CEP295: variants seen among roughly 807,000 people sequenced by gnomAD.
CEP295 encodes centrosomal protein 295.
In CEP295, 190 loss-of-function variants were observed where a neutral mutation model predicts 291.6. The ratio of observed to expected loss-of-function variants is 0.65; its 90% CI spans 0.58 to 0.73. The LOEUF is 0.73. Among genes scored for constraint, CEP295 ranks in the 30% least tolerant of loss-of-function variants. The probability of loss-of-function intolerance (pLI) is 0.00; values close to 1 mark genes in which losing one functional copy is unlikely to be tolerated. For missense variants in CEP295, 2,863 were observed against 2,949.4 expected, an observed-to-expected ratio of 0.97 and a Z score of 0.68; for synonymous variants, 993 against 1,038.8, an observed-to-expected ratio of 0.96 and a Z score of 0.85.
At chr11:93,666,269 C>A (rs1357735530) in intron 1 of CEP295, among the ~76,000 whole-genome samples, 2 of 152,120 alleles carry the variant, frequency 1.3e-5, no homozygotes, top group Non-Finnish European at 2.9e-5. Context: ...GTATATAACC[C>A]TTTAAATATC....
At chr11:93,728,584 T>C in intron 24 of CEP295, 97 bp from the exon 25 acceptor site, 1 of 1,077,248 alleles carries the variant, frequency 9.3e-7, no homozygotes, top group Non-Finnish European at 1.3e-6. Context: ...TTCACATTTA[T>C]ATACACTTGC....
At position 93,666,781 on chromosome 11, in the gene CEP295, AT is replaced by A; in HGVS notation, c.76del (p.Tyr26MetfsTer7). 6.5e-7 allele frequency: 1 copy of A among 1,548,268 alleles called. No homozygotes were observed. Among genetic ancestry groups the A allele is most frequent in the South Asian group, 1.2e-5 (1 of 83,928 alleles). On this transcript the variant is annotated frameshift_variant, in exon 2 of 30. Coordinates refer to ENST00000325212, the MANE Select transcript of CEP295 (RefSeq NM_033395.2). LOFTEE classifies it high-confidence loss of function. ...GAGGAAGCCTTCATTTTGAAGGAAG[AT>A]TATGAAAGAAGGCGAAAACTAAGAT... ...PNEEAFILKE[D>X]YERRRKLRLL...
chr11:93,669,065 A>T, intron 4 of CEP295, 133 bp downstream of exon 4: 1 of 539,082 alleles, frequency 1.9e-6, no homozygotes, highest in Non-Finnish European at 3.2e-6. Context: ...AACTTGATTT[A>T]AAAATAATGT....
Position 93,699,287 on chromosome 11 carries a change from C to G in CEP295, c.4375C>G (p.Leu1459Val). 4.5e-6 allele frequency: 7 copies of G among 1,551,886 alleles called. No individual in the cohort carries two copies. The highest frequency in any genetic ancestry group is 6.1e-6 in the Non-Finnish European group (7 of 1,146,948). Residue 1459 changes from leucine to valine, a missense_variant, in exon 15 of 30, where the codon CTT (leucine) becomes GTT (valine). Physicochemically the swap from Leu to Val is conservative, Grantham distance 32. Transcript: ENST00000325212. ...ACCTCAACAAGATAATTTGATTGCACTTGAAGAACACTTGCATGCACAGAC... is the reference window on the plus strand; with the variant it reads ...ACCTCAACAAGATAATTTGATTGCAGTTGAAGAACACTTGCATGCACAGAC... ...VLPQQDNLIA[L>V]EEHLHAQTDF...
chr11:93,698,671 A>G lies in CEP295; in HGVS notation c.3759A>G (p.Leu1253=), dbSNP rs1192883444. Residue 1253 remains leucine (L), a synonymous_variant, in exon 15 of 30, where the codon CTA becomes CTG. Transcript: ENST00000325212. ...GAGTTTCACAACATATGCTACCTCT[A>G]CAAGATAATTTGGAGGAACACCAAG... ...LLRVSQHMLP[L]QDNLEEHQAW... 2.6e-6 allele frequency: 4 copies of G among 1,550,722 alleles called. No homozygotes were observed. Among genetic ancestry groups the G allele is most frequent in the African/African-American group, 2.7e-5 (2 of 73,056 alleles).
chr11:93,727,585 A>C lies in CEP295; in HGVS notation c.7109A>C (p.Glu2370Ala). Residue 2370 changes from glutamate to alanine, a missense_variant, in exon 24 of 30, where the codon GAG becomes GCG. By Grantham distance (107) the Glu-to-Ala change is moderately radical (BLOSUM62 -1). Coordinates refer to ENST00000325212, the MANE Select transcript of CEP295 (RefSeq NM_033395.2). ...AAACTATCTCAACTAGGAGAATCAG[A>C]GCTTTTTGCAAGTTCTGGATCATTT... ...TKKLSQLGES[E>A]LFASSGSFSL... is the part of the protein sequence containing the mutation. 6.4e-7 allele frequency: 1 copy of C among 1,550,948 alleles called. No homozygotes were observed. The highest frequency in any genetic ancestry group is 8.7e-7 in the Non-Finnish European group (1 of 1,146,812).
chr11:93,679,296 A>C, intron 6 of CEP295, 116 bp from the exon 7 acceptor site: 2 of 856,710 alleles, frequency 2.3e-6, no homozygotes, highest in Non-Finnish European at 3.5e-6. Flanking sequence ...TTTAAAATAT[A>C]ACTCTTCTTA....
At chr11:93,708,532 T>A (rs1053630208) in intron 18 of CEP295, among the ~76,000 whole-genome samples, 1 of 151,896 alleles carries the variant, frequency 6.6e-6, no homozygotes, top group Non-Finnish European at 1.5e-5. Flanking sequence ...ACGTGCCACT[T>A]TTTTTTTATC....
chr11:93,686,422 A>G (rs1196270260), intron 9 of CEP295, among the ~76,000 whole-genome samples: 1 of 152,160 alleles, frequency 6.6e-6, no homozygotes, highest in African/African-American at 2.4e-5. Context: ...TGCCCAATCT[A>G]AAGGGACAGT....
At chr11:93,689,662 C>A (rs1951420130) in intron 10 of CEP295, among the ~76,000 whole-genome samples, 1 of 152,122 alleles carries the variant, frequency 6.6e-6, no homozygotes, top group Admixed American at 6.6e-5. Flanking sequence ...TGCTTTCCCC[C>A]CATAGCTCTT....
chr11:93,684,009 CCACTGTGACTAAT>C lies in CEP295; in HGVS notation c.998_1010del (p.Thr333ArgfsTer24). ...CTGCACCTTGAACCAGAGCCCTTGCCCACTGTGACTAATCAGATCCAAGATGAAGAGCTGGACC... is the reference window on the plus strand; with the variant it reads ...CTGCACCTTGAACCAGAGCCCTTGCCCAGATCCAAGATGAAGAGCTGGACC... On this transcript the variant is annotated frameshift_variant, in exon 9 of 30. Transcript: ENST00000325212. LOFTEE classifies it high-confidence loss of function. 6.4e-7 allele frequency: 1 copy of C among 1,551,702 alleles called. No individual in the cohort carries two copies. The highest frequency in any genetic ancestry group is 2.4e-5 in the East Asian group (1 of 40,908).
At position 93,711,830 on chromosome 11, in the gene CEP295, T is replaced by G. The variant is rs187268786; in HGVS notation, c.5749+4933T>G. On this transcript the variant is annotated intron_variant, in intron 18 of 29. Coordinates refer to ENST00000325212, the MANE Select transcript of CEP295 (RefSeq NM_033395.2). The stretch of plus-strand genomic sequence containing the variant: ...CTGGGCTATTTAAGTTTGTTTGTTT[T>G]TTTTTTTTTAATGTTTTAAGCCTTG... Among the ~76,000 whole-genome samples, 1,510 of 152,022 alleles carry G rather than the reference T, an allele frequency of 9.9e-3. 31 individuals carry two copies. Among genetic ancestry groups the G allele is most frequent in the African/African-American group, 0.033 (1,361 of 41,444 alleles).
rs201106559 is a variant in CEP295 at position 93,685,137 on chromosome 11, T to G, written c.1114+1009T>G. Among the ~76,000 whole-genome samples the G allele has an allele frequency of 2.2e-4, 34 of 152,332 alleles. No homozygotes were observed. In the East Asian group the frequency reaches 6.4e-3, roughly 28 times the overall value. On this transcript the variant is annotated intron_variant, in intron 9 of 29. Transcript: ENST00000325212. Reference sequence around the variant, plus strand: ...CAAGCCAGACCACTGGGAGTTACCTTTAATACTTTCCTTTTACCTGCATGT... The same window carrying G: ...CAAGCCAGACCACTGGGAGTTACCTGTAATACTTTCCTTTTACCTGCATGT...
At position 93,667,643 on chromosome 11, in the gene CEP295, AGAGAAG is replaced by A. The variant is rs1950251770; in HGVS notation, c.146_151del (p.Arg49_Asp51delinsAsn). On this transcript the variant is annotated inframe_deletion, in exon 3 of 30. Transcript: ENST00000325212. Reference sequence around the variant, plus strand: ...AGAAAGAGATATCGCCTTACAGATAAGAGAAGACATAAAACAGAGGAGAAATCAACA... The same window carrying A: ...AGAAAGAGATATCGCCTTACAGATAAACATAAAACAGAGGAGAAATCAACA... 2 of 1,551,246 alleles carry A rather than the reference AGAGAAG, an allele frequency of 1.3e-6. No homozygotes were observed. The highest frequency in any genetic ancestry group is 2.7e-5 in the African/African-American group (2 of 73,038).
chr11:93,728,509 G>A, intron 24 of CEP295, 172 bp from the exon 25 acceptor site: 1 of 514,798 alleles, frequency 1.9e-6, no homozygotes, highest in Non-Finnish European at 3.4e-6. Context: ...GAATGCTGGA[G>A]TTATGGAAGC....
rs1446130725 is a variant in CEP295, at chr11:93,697,858, G to A, written c.2946G>A (p.Leu982=). The change falls in exon 15 of 30, where the codon TTG becomes TTA. Residue 982 remains leucine (L), a synonymous_variant. Transcript: ENST00000325212. The part of the protein sequence containing the change: ...EVLYVHKQSE[L]DRRVCSEQAE... ...TGTATGTACATAAACAGAGTGAATT[G>A]GATAGAAGAGTATGTTCCGAACAGG... 6.4e-7 allele frequency: 1 copy of A among 1,551,682 alleles called. No individual in the cohort carries two copies. Among genetic ancestry groups the A allele is most frequent in the South Asian group, 1.2e-5 (1 of 84,046 alleles).
Position 93,729,719 on chromosome 11 carries a change from G to A in CEP295, c.7505G>A (p.Arg2502Lys). ...TCCCACCAGAGGCAGAAAGAAATAAGGAATAAAATTCATGTCTCTGAAAAT... is the reference window on the plus strand; with the variant it reads ...TCCCACCAGAGGCAGAAAGAAATAAAGAATAAAATTCATGTCTCTGAAAAT... ...ERSHQRQKEI[R>K]NKIHVSENSQ... Residue 2502 changes from arginine (R) to lysine (K), a missense_variant, in exon 27 of 30, where the codon AGG becomes AAG. This residue lies in a region of CEP295 where 2,295 missense variants were observed against 2,335.7 expected (regional missense o/e 0.98). Transcript: ENST00000325212. 1.3e-6 allele frequency: 2 copies of A among 1,549,680 alleles called. No individual in the cohort carries two copies. Among genetic ancestry groups the A allele is most frequent in the East Asian group, 4.9e-5 (2 of 40,898 alleles).
chr11:93,669,879 A>G, intron 5 of CEP295, 109 bp downstream of exon 5: 1 of 661,994 alleles, frequency 1.5e-6, no homozygotes, highest in Middle Eastern at 2.6e-4. Flanking sequence ...GTTTTCTTGT[A>G]CAATTAAAAA....
intron 7 of CEP295, among the ~76,000 whole-genome samples, chr11:93,680,319 C>T (rs74711358): frequency 0.01 from 1,591 of 152,256 alleles, 28 homozygotes; most frequent in African/African-American, 0.035. Context: ...CAAGTCCAGT[C>T]GAGGTAGCTC....
Sources: gnomAD v4.1 joint callset for allele counts (sites outside exome capture counted in the v4.1 genomes callset) on GRCh38, gnomAD v4.1.1 for gene constraint, gnomAD v4.1.1 regional missense constraint, MANE v1.5 for transcripts, NCBI Gene and HGNC (gene_info 2026-07-23, HGNC 2026-07-21) for gene names.